The following CNTN5 variants were observed in gnomAD, a reference collection of about 807,000 sequenced individuals.
The protein encoded by CNTN5 is contactin 5, also known as contactin-5.
CNTN5 carries 77 observed loss-of-function variants against 129.1 expected under a neutral mutation model. The observed-to-expected ratio is 0.60, with a 90% CI of 0.50 to 0.72. CNTN5 has a LOEUF of 0.72. Among genes scored for constraint, CNTN5 ranks in the 30% least tolerant of loss-of-function variants. The probability of loss-of-function intolerance (pLI) is 0.00; values close to 1 mark genes in which losing one functional copy is unlikely to be tolerated. For synonymous variants in CNTN5, 509 were observed against 465.6 expected (o/e 1.09, Z -1.20); for missense variants, 1,478 against 1,328.8 (o/e 1.11, Z -1.75).
chr11:100,164,231 T>C (rs975234317), intron 13 of CNTN5, among the ~76,000 whole-genome samples: 1 of 151,806 alleles, frequency 6.6e-6, no homozygotes. Flanking sequence ...AAAATCTACT[T>C]CTGATAACAG....
chr11:99,167,329 T>C (rs1353013841), intron 1 of CNTN5, among the ~76,000 whole-genome samples: 1 of 152,130 alleles, frequency 6.6e-6, no homozygotes, highest in East Asian at 1.9e-4. Context: ...ATATTTTGCA[T>C]TATGTAAATT....
chr11:100,335,282 C>T (rs1952012229), intron 21 of CNTN5, among the ~76,000 whole-genome samples: 1 of 152,158 alleles, frequency 6.6e-6, no homozygotes, highest in Non-Finnish European at 1.5e-5. Flanking sequence ...GTTCACAACT[C>T]ACCCAGTAAT....
chr11:99,138,374 T>C (rs1156929013), intron 1 of CNTN5, among the ~76,000 whole-genome samples: 3 of 152,204 alleles, frequency 2.0e-5, no homozygotes, highest in African/African-American at 4.8e-5. Context: ...GCAACTTTGA[T>C]GTACAAGCAT....
chr11:99,787,551 T>C (rs1945578371), intron 3 of CNTN5, among the ~76,000 whole-genome samples: 1 of 150,758 alleles, frequency 6.6e-6, no homozygotes, highest in Non-Finnish European at 1.5e-5. Flanking sequence ...TGATTCAACA[T>C]CCTATAGTGG....
rs536558911 is a variant in CNTN5 at position 99,857,010 on chromosome 11, C to T, written c.577+11748C>T. Among the ~76,000 whole-genome samples the T allele has an allele frequency of 6.6e-3, 973 of 146,760 alleles. 12 individuals carry two copies. Among genetic ancestry groups the T allele is most frequent in the African/African-American group, 0.025 (926 of 37,058 alleles). ...ACTCCCTCCCTCCTTCCCTCCTTCCCTCTCTCTCTATCTATCTCTATCTCC... is the reference window on the plus strand; with the variant it reads ...ACTCCCTCCCTCCTTCCCTCCTTCCTTCTCTCTCTATCTATCTCTATCTCC... On this transcript the variant is annotated intron_variant, in intron 6 of 24. Transcript: ENST00000524871.
At chr11:100,013,543 T>C (rs1940651342) in intron 9 of CNTN5, among the ~76,000 whole-genome samples, 1 of 152,180 alleles carries the variant, frequency 6.6e-6, no homozygotes, top group African/African-American at 2.4e-5. Flanking sequence ...GGTTTCCATA[T>C]CACACTCAGA....
intron 3 of CNTN5, among the ~76,000 whole-genome samples, chr11:99,690,836 A>G (rs1954010215): frequency 7.2e-6 from 1 of 138,812 alleles, no homozygotes; most frequent in Non-Finnish European, 1.7e-5. Context: ...TAGAAATGAT[A>G]ACAACTCTTT....
intron 21 of CNTN5, 55 bp from the exon 22 acceptor site, chr11:100,340,408 C>A: frequency 7.4e-7 from 1 of 1,358,456 alleles, no homozygotes. Flanking sequence ...TTCAAGCAGC[C>A]ACAAGCACAG....
intron 2 of CNTN5, among the ~76,000 whole-genome samples, chr11:99,403,440 C>T (rs1332785913): frequency 6.6e-6 from 1 of 151,882 alleles, no homozygotes. Context: ...CTTTAAGATG[C>T]ATTGGGAGAT....
chr11:100,275,578 G>T (rs1168162227), intron 18 of CNTN5, among the ~76,000 whole-genome samples: 1 of 152,002 alleles, frequency 6.6e-6, no homozygotes, highest in Non-Finnish European at 1.5e-5. Flanking sequence ...CTATTAAAAA[G>T]CATTTTAGCA....
chr11:99,989,140 A>G (rs1030359248), intron 8 of CNTN5, among the ~76,000 whole-genome samples: 1 of 152,224 alleles, frequency 6.6e-6, no homozygotes, highest in Non-Finnish European at 1.5e-5. Context: ...ATTTCTAGTT[A>G]AATCACAATT....
At chr11:99,904,123 G>T (rs1315973977) in intron 6 of CNTN5, among the ~76,000 whole-genome samples, 1 of 152,028 alleles carries the variant, frequency 6.6e-6, no homozygotes, top group Non-Finnish European at 1.5e-5. Context: ...AGATAATTTT[G>T]TATCTTATAT....
intron 2 of CNTN5, among the ~76,000 whole-genome samples, chr11:99,530,846 C>G (rs774622475): frequency 1.3e-5 from 2 of 152,206 alleles, no homozygotes; most frequent in Non-Finnish European, 2.9e-5. Flanking sequence ...GATTATGAGT[C>G]TTCCTCAGCC....
At chr11:100,235,226 T>TG (rs1487123130) in intron 16 of CNTN5, among the ~76,000 whole-genome samples, 1 of 152,250 alleles carries the variant, frequency 6.6e-6, no homozygotes, top group Non-Finnish European at 1.5e-5. Context: ...ATCAGACTTT[T>TG]TTTTCTGAAC....
intron 2 of CNTN5, among the ~76,000 whole-genome samples, chr11:99,385,489 G>A (rs1467793239): frequency 1.3e-5 from 2 of 152,132 alleles, no homozygotes; most frequent in Non-Finnish European, 2.9e-5. Flanking sequence ...TTATAGTAAT[G>A]TGTTAACAAA....
intron 18 of CNTN5, among the ~76,000 whole-genome samples, chr11:100,275,113 A>G (rs1950481630): frequency 6.6e-6 from 1 of 152,216 alleles, no homozygotes; most frequent in African/African-American, 2.4e-5. Flanking sequence ...AAAAGGTAAA[A>G]TGGCTTAAAT....
At chr11:99,706,930 T>A (rs1225364204) in intron 3 of CNTN5, among the ~76,000 whole-genome samples, 5 of 151,120 alleles carry the variant, frequency 3.3e-5, no homozygotes, top group Non-Finnish European at 5.9e-5. Context: ...AGTGTAATCC[T>A]GTGCTATATA....
At chr11:99,361,872 G>GT (rs528086642) in intron 2 of CNTN5, among the ~76,000 whole-genome samples, 69 of 152,100 alleles carry the variant, frequency 4.5e-4, no homozygotes, top group African/African-American at 1.7e-3. Context: ...ACCACATTTT[G>GT]TTTTTTCATT....
intron 2 of CNTN5, among the ~76,000 whole-genome samples, chr11:99,343,154 G>C (rs944538696): frequency 3.9e-5 from 6 of 152,316 alleles, no homozygotes; most frequent in African/African-American, 1.4e-4. Context: ...GCTGGAAAGA[G>C]AGGAGGGATG....
Sources: allele counts gnomAD v4.1 joint callset (sites outside exome capture counted in the v4.1 genomes callset), GRCh38; gene constraint gnomAD v4.1.1; transcripts MANE v1.5; gene names NCBI Gene and HGNC (gene_info 2026-07-23, HGNC 2026-07-21).